CSMD3: variants seen among roughly 807,000 people sequenced by gnomAD.
CSMD3 encodes the protein CUB and sushi domain-containing protein 3.
Under a neutral mutation model 435.2 loss-of-function variants are expected in CSMD3, and 177 were observed. That is an observed-to-expected ratio of 0.41 (90% CI 0.36 to 0.46). The LOEUF (loss-of-function observed/expected upper bound fraction) is 0.46, where lower values mean the gene tolerates loss of function less well. Ranked by LOEUF, CSMD3 falls within the 20% of genes least tolerant of loss-of-function variation. The pLI, the probability that CSMD3 is intolerant of heterozygous loss-of-function variation, is 0.34. For synonymous variants in CSMD3, 1,656 were observed against 1,520.5 expected, an observed-to-expected ratio of 1.09 and a Z score of -2.07; for missense variants, 4,265 against 4,504.6, an observed-to-expected ratio of 0.95 and a Z score of 1.52.
intron 32 of CSMD3, among the ~76,000 whole-genome samples, chr8:112,447,662 C>T (rs926018008): frequency 7.2e-5 from 11 of 152,130 alleles, no homozygotes; most frequent in African/African-American, 2.4e-4. Flanking sequence ...TTACAAAATT[C>T]AGTCTTTGAT....
At chr8:112,301,690 G>C (rs1820937795) in intron 53 of CSMD3, 103 bp downstream of exon 53, 1 of 853,428 alleles carries the variant, frequency 1.2e-6, no homozygotes, top group East Asian at 2.6e-5. Flanking sequence ...CATACTTACT[G>C]AATGAATATA....
intron 23 of CSMD3, among the ~76,000 whole-genome samples, chr8:112,581,876 G>A (rs915438760): frequency 2.0e-5 from 3 of 152,032 alleles, no homozygotes; most frequent in African/African-American, 7.2e-5. Context: ...GCCCATTGAA[G>A]ACTCTGATCA....
intron 1 of CSMD3, among the ~76,000 whole-genome samples, chr8:113,385,795 G>A (rs576132616): frequency 2.0e-5 from 3 of 152,174 alleles, no homozygotes; most frequent in East Asian, 1.9e-4. Flanking sequence ...CAGGGATGGA[G>A]AGAGAAAAGA....
chr8:112,881,240 G>A (rs1219078067), intron 10 of CSMD3, among the ~76,000 whole-genome samples: 1 of 151,944 alleles, frequency 6.6e-6, no homozygotes, highest in African/African-American at 2.4e-5. Context: ...AAAGTATGGG[G>A]TGTCCTGAGG....
At chr8:113,326,359 AGTTT>A (rs946728273) in intron 1 of CSMD3, among the ~76,000 whole-genome samples, 5 of 81,858 alleles carry the variant, frequency 6.1e-5, no homozygotes, top group African/African-American at 1.6e-4. Flanking sequence ...CATTATTTCT[AGTTT>A]TTTTTCCTGA....
chr8:112,859,833 C>T (rs888472401), intron 10 of CSMD3, among the ~76,000 whole-genome samples: 1 of 151,570 alleles, frequency 6.6e-6, no homozygotes, highest in Non-Finnish European at 1.5e-5. Flanking sequence ...AGTTTTCTAA[C>T]CCATCTTTCT....
intron 32 of CSMD3, among the ~76,000 whole-genome samples, chr8:112,418,012 C>A (rs1488219764): frequency 1.3e-5 from 2 of 152,090 alleles, no homozygotes; most frequent in Non-Finnish European, 2.9e-5. Flanking sequence ...AGCTGGTTTG[C>A]CACTTTGTTA....
At chr8:112,343,084 G>GTTTT (rs1825333923) in intron 41 of CSMD3, among the ~76,000 whole-genome samples, 8 of 145,700 alleles carry the variant, frequency 5.5e-5, no homozygotes, top group Non-Finnish European at 1.2e-4. Flanking sequence ...TCAAAGAAAA[G>GTTTT]AGTATGGTTA....
intron 3 of CSMD3, among the ~76,000 whole-genome samples, chr8:113,177,473 A>G (rs942992969): frequency 6.6e-6 from 1 of 151,992 alleles, no homozygotes; most frequent in Non-Finnish European, 1.5e-5. Flanking sequence ...TAATATATTG[A>G]TTAAGAGGTT....
At chr8:113,313,852 T>G (rs1038033579) in intron 2 of CSMD3, 5 of 152,292 alleles carry the variant, frequency 3.3e-5, no homozygotes, top group Admixed American at 3.3e-4. Flanking sequence ...GAATGTTGAA[T>G]TTTTTAGTTG....
At chr8:112,983,817 G>A (rs1474631924) in intron 6 of CSMD3, among the ~76,000 whole-genome samples, 1 of 151,914 alleles carries the variant, frequency 6.6e-6, no homozygotes, top group Non-Finnish European at 1.5e-5. Context: ...TGGCTAGGAA[G>A]GGCTGCCATT....
chr8:112,693,380 G>T (rs894436468), intron 13 of CSMD3, among the ~76,000 whole-genome samples: 6 of 151,930 alleles, frequency 3.9e-5, no homozygotes, highest in Admixed American at 2.6e-4. Flanking sequence ...TTCTTCATCT[G>T]AAAATGTCTT....
intron 1 of CSMD3, among the ~76,000 whole-genome samples, chr8:113,417,461 A>G (rs1274921723): frequency 6.6e-6 from 1 of 151,906 alleles, no homozygotes; most frequent in Non-Finnish European, 1.5e-5. Context: ...ATAATTTTAT[A>G]TAGTAAAAAA....
intron 12 of CSMD3, among the ~76,000 whole-genome samples, chr8:112,812,870 T>G (rs2079266393): frequency 6.6e-6 from 1 of 152,216 alleles, no homozygotes; most frequent in African/African-American, 2.4e-5. Context: ...AAAATATTTT[T>G]CAAGAATTGA....
At chr8:112,395,011 T>C (rs956105609) in intron 35 of CSMD3, among the ~76,000 whole-genome samples, 10 of 152,348 alleles carry the variant, frequency 6.6e-5, no homozygotes, top group African/African-American at 1.9e-4. Flanking sequence ...CTCCCAGTAT[T>C]TTTCTAAACA....
intron 32 of CSMD3, among the ~76,000 whole-genome samples, chr8:112,437,851 C>T (rs946226445): frequency 3.3e-5 from 5 of 152,046 alleles, no homozygotes; most frequent in Non-Finnish European, 2.9e-5. Context: ...CCCAAGAGAG[C>T]TCCTCTACCT....
At chr8:112,600,343 G>A (rs1832220904) in intron 22 of CSMD3, among the ~76,000 whole-genome samples, 1 of 151,902 alleles carries the variant, frequency 6.6e-6, no homozygotes, top group Non-Finnish European at 1.5e-5. Flanking sequence ...AGATTGCTTT[G>A]TTTTCATTAT....
chr8:112,608,334 G>T (rs1832958709), intron 22 of CSMD3, among the ~76,000 whole-genome samples: 1 of 152,094 alleles, frequency 6.6e-6, no homozygotes. Flanking sequence ...GTTCATGGGT[G>T]AGAAGACTTA....
intron 22 of CSMD3, among the ~76,000 whole-genome samples, chr8:112,621,525 T>C (rs1384517407): frequency 6.6e-6 from 1 of 152,158 alleles, no homozygotes; most frequent in Non-Finnish European, 1.5e-5. Context: ...ACTCTGACAC[T>C]GAAGCTGCCT....
Sources: allele counts gnomAD v4.1 joint callset (sites outside exome capture counted in the v4.1 genomes callset), GRCh38; gene constraint gnomAD v4.1.1; transcripts MANE v1.5; gene names NCBI Gene and HGNC (gene_info 2026-07-23, HGNC 2026-07-21).